TPP2: variants seen among roughly 807,000 people sequenced by gnomAD.
TPP2 encodes tripeptidyl peptidase 2, also known as tripeptidyl-peptidase 2.
TPP2 carries 34 observed loss-of-function variants against 155.9 expected under a neutral mutation model. The ratio of observed to expected loss-of-function variants is 0.22; its 90% CI spans 0.17 to 0.29. The LOEUF (loss-of-function observed/expected upper bound fraction) is 0.29, where lower values mean the gene tolerates loss of function less well. Among genes scored for constraint, TPP2 ranks in the 10% least tolerant of loss-of-function variants. TPP2 has a pLI of 1.00. For missense variants in TPP2, 1,028 were observed against 1,522.3 expected, an observed-to-expected ratio of 0.68 and a Z score of 5.40; for synonymous variants, 510 against 529.4, an observed-to-expected ratio of 0.96 and a Z score of 0.50.
chr13:102,627,084 C>G lies in TPP2; in HGVS notation c.857C>G (p.Ala286Gly). Residue 286 changes from alanine (A) to glycine (G), a missense_variant, in exon 7 of 30, where the codon GCT (alanine) becomes GGT (glycine). Ala to Gly is a moderately conservative substitution (Grantham distance 60). Around this residue, in one of 7 missense-constraint regions of TPP2, gnomAD observed 300 missense variants for 398.3 expected, o/e 0.75. Transcript: ENST00000376052. Reference sequence around the variant, plus strand: ...GAAGAACCTGAACGGAATGGGGTAGCTCCTGGTGCTCAAATTCTTTCCATC... The same window carrying G: ...GAAGAACCTGAACGGAATGGGGTAGGTCCTGGTGCTCAAATTCTTTCCATC... ...FPEEPERNGVAPGAQILSIKI... is the reference protein window; with the variant it reads ...FPEEPERNGVGPGAQILSIKI... 6.3e-7 allele frequency: 1 copy of G among 1,599,574 alleles called. No individual in the cohort carries two copies.
intron 27 of TPP2, among the ~76,000 whole-genome samples, chr13:102,666,672 C>T (rs1294860859): frequency 6.6e-6 from 1 of 151,742 alleles, no homozygotes; most frequent in Non-Finnish European, 1.5e-5. Flanking sequence ...TTTTACCATC[C>T]ACAGAGGAAA....
At chr13:102,614,913 A>G (rs1363414616) in intron 3 of TPP2, among the ~76,000 whole-genome samples, 1 of 152,214 alleles carries the variant, frequency 6.6e-6, no homozygotes, top group East Asian at 1.9e-4. Flanking sequence ...TTTAAAATTT[A>G]AGTTTAAATA....
At chr13:102,656,795 T>C (rs1883887087) in intron 24 of TPP2, among the ~76,000 whole-genome samples, 1 of 152,214 alleles carries the variant, frequency 6.6e-6, no homozygotes, top group African/African-American at 2.4e-5. Flanking sequence ...ATACCAAATA[T>C]ACTCAAATGG....
intron 23 of TPP2, 60 bp downstream of exon 23, chr13:102,649,546 A>G: frequency 7.1e-7 from 1 of 1,403,188 alleles, no homozygotes; most frequent in South Asian, 1.2e-5. Flanking sequence ...TTCTTTAAAG[A>G]TAAGAATTAA....
intron 15 of TPP2, among the ~76,000 whole-genome samples, chr13:102,638,664 T>G (rs780773490): frequency 6.6e-6 from 1 of 152,238 alleles, no homozygotes; most frequent in Non-Finnish European, 1.5e-5. Context: ...CCTCCATTCC[T>G]GCCCTTTTTG....
At chr13:102,665,073 CT>C in intron 27 of TPP2, 148 bp downstream of exon 27, 1 of 1,027,976 alleles carries the variant, frequency 9.7e-7, no homozygotes, top group Non-Finnish European at 1.4e-6. Flanking sequence ...TACTCCCCTC[CT>C]TAGAAATTTT....
intron 7 of TPP2, among the ~76,000 whole-genome samples, chr13:102,627,468 A>C (rs979881659): frequency 1.4e-4 from 22 of 152,146 alleles, no homozygotes; most frequent in African/African-American, 4.8e-4. Flanking sequence ...TTTCTCCATC[A>C]GCCTAAGAGG....
rs775737706 is a variant in TPP2, at chr13:102,657,251, A to G, written c.3143+44A>G. 3.8e-5 allele frequency: 57 copies of G among 1,491,158 alleles called. No homozygotes were observed. In the Middle Eastern group the frequency reaches 9.4e-4, roughly 25 times the overall value. 92.4% of individuals were successfully genotyped at this position (1,491,158 alleles called of 1,614,324 possible). Reference sequence around the variant, plus strand: ...TTTAATTCTTTAAATGTTTAGTTCTATTTTCCCAACTATAACAATATTGTG... The same window carrying G: ...TTTAATTCTTTAAATGTTTAGTTCTGTTTTCCCAACTATAACAATATTGTG... On this transcript the variant is annotated intron_variant, in intron 25 of 29. Coordinates refer to ENST00000376052, the MANE Select transcript of TPP2 (RefSeq NM_001330588.2).
chr13:102,676,071 T>C (rs1014731580), intron 28 of TPP2, among the ~76,000 whole-genome samples: 3 of 152,180 alleles, frequency 2.0e-5, no homozygotes, highest in African/African-American at 7.2e-5. Context: ...GCTAATAATT[T>C]CTCATATTAG....
chr13:102,635,508 G>C (rs1208437966), intron 11 of TPP2, 79 bp from the exon 12 acceptor site: 1 of 980,166 alleles, frequency 1.0e-6, no homozygotes, highest in Admixed American at 1.8e-5. Flanking sequence ...AGGGTCTACA[G>C]GTGATCGATC....
chr13:102,630,016 A>G (rs1010798830), intron 9 of TPP2, 80 bp from the exon 10 acceptor site: 3 of 1,149,610 alleles, frequency 2.6e-6, no homozygotes, highest in East Asian at 4.7e-5. Flanking sequence ...GAGATTAGGC[A>G]GTTTACTCAA....
At position 102,664,769 on chromosome 13, in the gene TPP2, TTTA is replaced by T. The variant is rs1433736913; in HGVS notation, c.3241-20_3241-18del. ...CGTATACTGATTGATATACCTATTT[TTTA>T]TTATTTCTTTTTTCCTCTCCAGGAA... On this transcript the variant is annotated intron_variant, in intron 26 of 29. Coordinates refer to ENST00000376052, the MANE Select transcript of TPP2 (RefSeq NM_001330588.2). The T allele has an allele frequency of 7.5e-6, 12 of 1,605,606 alleles. No individual in the cohort carries two copies. The Admixed American group carries it at 1.9e-4, about 25-fold the overall frequency.
intron 15 of TPP2, 72 bp from the exon 16 acceptor site, chr13:102,640,198 A>T: frequency 8.7e-7 from 1 of 1,147,444 alleles, no homozygotes; most frequent in Non-Finnish European, 1.2e-6. Context: ...TTTTGCGTTT[A>T]TCCAATGAAA....
chr13:102,661,470 C>T (rs894848071), intron 25 of TPP2, among the ~76,000 whole-genome samples: 3 of 151,870 alleles, frequency 2.0e-5, no homozygotes, highest in Admixed American at 1.3e-4. Flanking sequence ...CTGGAACCCC[C>T]GGCCTCAATT....
rs199702252 is a variant in TPP2 at position 102,674,372 on chromosome 13, A to C, written c.3461A>C (p.Gln1154Pro). 1.7e-4 allele frequency: 282 copies of C among 1,613,854 alleles called. No homozygotes were observed. The highest frequency in any genetic ancestry group is 2.1e-4 in the Non-Finnish European group (243 of 1,179,876). Reference protein sequence around the residue: ...LADHLLHTQAQDGAISTDAEG... With the variant: ...LADHLLHTQAPDGAISTDAEG... ...GACCATCTTCTTCACACCCAGGCTC[A>C]AGACGGAGCCATTTCCACTGATGCA... Residue 1154 changes from glutamine (Q) to proline (P), a missense_variant, in exon 28 of 30, where the codon CAA (glutamine) becomes CCA (proline). Physicochemically the swap from Gln to Pro is moderately conservative, Grantham distance 76. Around this residue, in one of 7 missense-constraint regions of TPP2, gnomAD observed 116 missense variants for 117.3 expected, o/e 0.99. Transcript: ENST00000376052.
At position 102,629,528 on chromosome 13, in the gene TPP2, A is replaced by C; in HGVS notation, c.1063A>C (p.Ile355Leu). 3 of 1,535,280 alleles carry C rather than the reference A, an allele frequency of 2.0e-6. No homozygotes were observed. Among genetic ancestry groups the C allele is most frequent in the Non-Finnish European group, 2.6e-6 (3 of 1,151,526 alleles). Residue 355 changes from isoleucine to leucine, a missense_variant, in exon 9 of 30, where the codon ATT becomes CTT. Physicochemically the swap from Ile to Leu is conservative, Grantham distance 5. This residue lies in a region of TPP2 where 63 missense variants were observed against 165.7 expected (regional missense o/e 0.38). Transcript: ENST00000376052. ...INEAVWKHNI[I>L]YVSSAGNNGP... ...TGAAGCAGTATGGAAGCATAATATA[A>C]TTTATGTTTCAAGTGCTGGAAATAA... is the stretch of plus-strand genomic sequence containing the variant.
intron 20 of TPP2, among the ~76,000 whole-genome samples, chr13:102,646,686 A>G (rs575941006): frequency 3.9e-5 from 6 of 152,326 alleles, no homozygotes; most frequent in Admixed American, 3.3e-4. Context: ...GATGGCTCAG[A>G]AATACCATCT....
At chr13:102,632,372 G>T (rs551817435) in intron 10 of TPP2, among the ~76,000 whole-genome samples, 55 of 151,750 alleles carry the variant, frequency 3.6e-4, no homozygotes, top group African/African-American at 1.2e-3. Context: ...CTCCCAAGTA[G>T]CTGGAATTAC....
chr13:102,649,116 C>T lies in TPP2; in HGVS notation c.2838C>T (p.Asn946=), dbSNP rs1883331481. Residue 946 remains asparagine, a synonymous_variant, in exon 22 of 30, where the codon AAC becomes AAT. Transcript: ENST00000376052. ...SSNLTLPPKY[N]QPFFVTSLPD... is the part of the protein sequence containing the mutation. ...ATTTGACATTACCACCCAAATATAA[C>T]CAGCCATTCTTTGTTACTTCCTTAC... 1.2e-6 allele frequency: 2 copies of T among 1,611,070 alleles called. No homozygotes were observed. Among genetic ancestry groups the T allele is most frequent in the Non-Finnish European group, 1.7e-6 (2 of 1,179,002 alleles).
Sources: gnomAD v4.1 joint callset for allele counts (sites outside exome capture counted in the v4.1 genomes callset) on GRCh38, gnomAD v4.1.1 for gene constraint, gnomAD v4.1.1 regional missense constraint, MANE v1.5 for transcripts, NCBI Gene and HGNC (gene_info 2026-07-23, HGNC 2026-07-21) for gene names.